EPB41L5: variants seen among roughly 807,000 people sequenced by gnomAD.
EPB41L5 encodes erythrocyte membrane protein band 4.1 like 5.
EPB41L5 carries 55 observed loss-of-function variants against 106.6 expected under a neutral mutation model. The ratio of observed to expected loss-of-function variants is 0.52; its 90% CI spans 0.42 to 0.65. The LOEUF (loss-of-function observed/expected upper bound fraction) is 0.65. EPB41L5 is among the 30% of genes least tolerant of loss of function. EPB41L5 has a pLI of 0.00. For missense variants in EPB41L5, 871 were observed against 882.1 expected (o/e 0.99, Z 0.16); for synonymous variants, 297 against 306.7 (o/e 0.97, Z 0.33).
chr2:120,058,068 G>A (rs1381582771), intron 3 of EPB41L5, among the ~76,000 whole-genome samples: 1 of 152,048 alleles, frequency 6.6e-6, no homozygotes, highest in Non-Finnish European at 1.5e-5. Context: ...GCAGGTTGGT[G>A]TGCACATTAA....
In EPB41L5 at chr2:120,019,116, G is replaced by A. The variant is rs780794331; in HGVS notation, c.32G>A (p.Arg11His). The change falls in exon 2 of 25, where the codon CGT becomes CAT. Residue 11 changes from arginine to histidine, a missense_variant. Coordinates refer to ENST00000263713, the MANE Select transcript of EPB41L5 (RefSeq NM_020909.4). MLSFFRRTLG[R>H]RSMRKHAEKE... Reference sequence around the variant, plus strand: ...AGTTTCTTCCGTAGAACACTAGGGCGTCGGTCTATGCGTAAACATGCAGAG... The same window carrying A: ...AGTTTCTTCCGTAGAACACTAGGGCATCGGTCTATGCGTAAACATGCAGAG... The A allele has an allele frequency of 1.7e-5, 27 of 1,612,196 alleles. No homozygotes were observed. Among genetic ancestry groups the A allele is most frequent in the Middle Eastern group, 1.8e-4 (1 of 5,708 alleles).
rs959097529 is a variant in EPB41L5 at position 120,175,154 on chromosome 2, A to C, written c.*247A>C. The C allele has an allele frequency of 4.8e-5, 22 of 462,110 alleles. No homozygotes were observed. Among genetic ancestry groups the C allele is most frequent in the Non-Finnish European group, 6.7e-5 (17 of 252,958 alleles). 28.6% of individuals were successfully genotyped at this position (462,110 alleles called of 1,614,324 possible). A position where few individuals can be genotyped will look rare whatever the true frequency, so the allele number is the denominator to read the frequency against. ...TTCTATACTTTTATAAATGTTACAA[A>C]TTCCCGAAAGAAGGGAATTTCTTTT... On this transcript the variant is annotated 3_prime_UTR_variant, in exon 25 of 25. Transcript: ENST00000263713.
chr2:120,024,182 T>C (rs1182008808), intron 2 of EPB41L5, among the ~76,000 whole-genome samples: 2 of 152,168 alleles, frequency 1.3e-5, no homozygotes, highest in Admixed American at 6.5e-5. Flanking sequence ...TTTCTCTTGC[T>C]TGATTGCCCT....
intron 9 of EPB41L5, among the ~76,000 whole-genome samples, 190 bp downstream of exon 9, chr2:120,077,506 A>G (rs1558852892): frequency 6.6e-6 from 1 of 152,240 alleles, no homozygotes; most frequent in East Asian, 1.9e-4. Context: ...TCATTATAAG[A>G]AAGAAGAGAA....
chr2:120,104,274 C>A, intron 16 of EPB41L5: 1 of 1,520,412 alleles, frequency 6.6e-7, no homozygotes, highest in South Asian at 1.2e-5. Flanking sequence ...GACTCTTTGT[C>A]ATGCAAGTTG....
rs201277588 is a variant in EPB41L5, at chr2:120,019,082, A to G, written c.-3A>G. ...TTTTCTCTCTGTTTTTATAGTGACAAAAATGCTGAGTTTCTTCCGTAGAAC... is the reference window on the plus strand; with the variant it reads ...TTTTCTCTCTGTTTTTATAGTGACAGAAATGCTGAGTTTCTTCCGTAGAAC... On this transcript the variant is annotated 5_prime_UTR_variant, in exon 2 of 25. Transcript: ENST00000263713. 1 of 1,595,302 alleles carries G rather than the reference A, an allele frequency of 6.3e-7. No individual in the cohort carries two copies. Among genetic ancestry groups the G allele is most frequent in the African/African-American group, 1.4e-5 (1 of 73,530 alleles).
In EPB41L5 at chr2:120,165,967, CAAAAAAAAAAAAAA is replaced by C. The variant is rs536664071; in HGVS notation, c.1962+1071_1962+1084del. ...TGGGCGACACAGTGAGACTCCGTCTCAAAAAAAAAAAAAAAAAAAAAAAAAAACAGAAATGACTA... is the reference window on the plus strand; with the variant it reads ...TGGGCGACACAGTGAGACTCCGTCTCAAAAAAAAAAAAACAGAAATGACTA... On this transcript the variant is annotated intron_variant, in intron 22 of 24. Transcript: ENST00000263713. Among the ~76,000 whole-genome samples the C allele has an allele frequency of 4.0e-3, 111 of 27,986 alleles. 1 individual carries two copies. The highest frequency in any genetic ancestry group is 0.012 in the African/African-American group (104 of 8,686). The allele number at this position is 27,986 out of a possible 152,430, so 18.4% of individuals were successfully genotyped here. A position where few individuals can be genotyped will look rare whatever the true frequency, so the allele number is the denominator to read the frequency against.
chr2:120,161,206 G>A (rs192930463), intron 21 of EPB41L5, among the ~76,000 whole-genome samples: 1 of 152,096 alleles, frequency 6.6e-6, no homozygotes, highest in East Asian at 1.9e-4. Flanking sequence ...GGCAAAACCT[G>A]TCTCTACCAA....
intron 16 of EPB41L5, among the ~76,000 whole-genome samples, chr2:120,124,363 C>T (rs137903149): frequency 3.9e-5 from 6 of 152,246 alleles, no homozygotes; most frequent in African/African-American, 1.4e-4. Context: ...TTTTATTCCT[C>T]TCAACTTTTT....
Position 120,175,901 on chromosome 2 carries a change from T to C in EPB41L5, c.*994T>C, listed in dbSNP as rs1687903532. 1 of 151,900 alleles carries C rather than the reference T, an allele frequency of 6.6e-6. No individual in the cohort carries two copies. Among genetic ancestry groups the C allele is most frequent in the South Asian group, 2.1e-4 (1 of 4,794 alleles). 9.4% of individuals were successfully genotyped at this position (151,900 alleles called of 1,614,324 possible). A position where few individuals can be genotyped will look rare whatever the true frequency, so the allele number is the denominator to read the frequency against. On this transcript the variant is annotated 3_prime_UTR_variant, in exon 25 of 25. Transcript: ENST00000263713. ...CAAAACAAATACACCAAGACCAAAA[T>C]AGGCAATAGGAACAGGGGTGAAGGG...
intron 4 of EPB41L5, among the ~76,000 whole-genome samples, chr2:120,073,654 A>G (rs983909682): frequency 5.9e-5 from 9 of 152,194 alleles, no homozygotes; most frequent in East Asian, 3.8e-4. Context: ...TCATTATCCA[A>G]CTTGACTTTT....
intron 2 of EPB41L5, among the ~76,000 whole-genome samples, chr2:120,038,096 A>G (rs753644258): frequency 6.4e-4 from 97 of 152,232 alleles, no homozygotes; most frequent in Non-Finnish European, 1.1e-3. Context: ...GACAACCCAC[A>G]GAATGTGAGA....
chr2:120,096,502 A>G (rs1207394796), intron 14 of EPB41L5, among the ~76,000 whole-genome samples: 1 of 152,124 alleles, frequency 6.6e-6, no homozygotes, highest in African/African-American at 2.4e-5. Context: ...AGAAAAGTAG[A>G]GTAATGGCTG....
At chr2:120,114,007 C>T (rs1684842628) in intron 16 of EPB41L5, among the ~76,000 whole-genome samples, 1 of 152,120 alleles carries the variant, frequency 6.6e-6, no homozygotes, top group Non-Finnish European at 1.5e-5. Context: ...TGGTTATATC[C>T]ATAGGAGTGA....
intron 3 of EPB41L5, among the ~76,000 whole-genome samples, chr2:120,070,737 C>T (rs1207011855): frequency 6.6e-6 from 1 of 152,132 alleles, no homozygotes; most frequent in Non-Finnish European, 1.5e-5. Context: ...TGACAAAAAC[C>T]ACATGATTAT....
intron 16 of EPB41L5, among the ~76,000 whole-genome samples, chr2:120,109,990 C>A (rs778855387): frequency 6.6e-6 from 1 of 152,144 alleles, no homozygotes; most frequent in Non-Finnish European, 1.5e-5. Context: ...GTGTCTTGTT[C>A]CGAAAAGATT....
chr2:120,095,468 C>T (rs780999300), intron 14 of EPB41L5, among the ~76,000 whole-genome samples: 7 of 151,304 alleles, frequency 4.6e-5, no homozygotes. Context: ...TGGTGTCCTA[C>T]AGGTCTCTGA....
chr2:120,174,897 C>T lies in EPB41L5; in HGVS notation c.2192C>T (p.Thr731Ile). 2 of 1,614,124 alleles carry T rather than the reference C, an allele frequency of 1.2e-6. No individual in the cohort carries two copies. Among genetic ancestry groups the T allele is most frequent in the Non-Finnish European group, 1.7e-6 (2 of 1,179,984 alleles). The change falls in exon 25 of 25, where the codon ACT (threonine) becomes ATT (isoleucine). Residue 731 changes from threonine to isoleucine, a missense_variant. Coordinates refer to ENST00000263713, the MANE Select transcript of EPB41L5 (RefSeq NM_020909.4). ...AVLKQKCLLT[T>I]EL ...CTGAAGCAGAAGTGTTTACTGACCACTGAGCTCTGAGGGCCTGTAGCTGGA... is the reference window on the plus strand; with the variant it reads ...CTGAAGCAGAAGTGTTTACTGACCATTGAGCTCTGAGGGCCTGTAGCTGGA...
chr2:120,100,457 TAAGATTTTGTA>T (rs146615038), intron 15 of EPB41L5, among the ~76,000 whole-genome samples, 171 bp downstream of exon 15: 30 of 152,342 alleles, frequency 2.0e-4, no homozygotes, highest in African/African-American at 7.2e-4. Context: ...TTTTATTCTC[TAAGATTTTGTA>T]AAGGAAACCG....
Sources: allele counts gnomAD v4.1 joint callset (sites outside exome capture counted in the v4.1 genomes callset), GRCh38; gene constraint gnomAD v4.1.1; transcripts MANE v1.5; gene names NCBI Gene and HGNC (gene_info 2026-07-23, HGNC 2026-07-21).